Variants in ALS2 observed in about 807,000 individuals in gnomAD.
ALS2 encodes alsin Rho guanine nucleotide exchange factor ALS2.
ALS2 carries 117 observed loss-of-function variants against 203.4 expected under a neutral mutation model. The ratio of observed to expected loss-of-function variants is 0.58; its 90% CI spans 0.50 to 0.67. The LOEUF (loss-of-function observed/expected upper bound fraction) is 0.67. ALS2 is among the 30% of genes least tolerant of loss of function. ALS2 has a pLI of 0.00. For missense variants in ALS2, 1,715 were observed against 1,989.4 expected (o/e 0.86, Z 2.62); for synonymous variants, 718 against 725.9 (o/e 0.99, Z 0.17).
At chr2:201,706,391 A>G (rs1347361219) in intron 29 of ALS2, among the ~76,000 whole-genome samples, 1 of 75,528 alleles carries the variant, frequency 1.3e-5, no homozygotes, top group Non-Finnish European at 3.5e-5. Flanking sequence ...CTTTCAAAAA[A>G]AGAAAAAAAA....
chr2:201,762,013 T>C (rs1170497114), intron 3 of ALS2, among the ~76,000 whole-genome samples, 195 bp from the exon 4 acceptor site: 2 of 152,220 alleles, frequency 1.3e-5, no homozygotes, highest in Non-Finnish European at 2.9e-5. Context: ...ATGACTCTTT[T>C]TAATATTCTG....
intron 23 of ALS2, among the ~76,000 whole-genome samples, chr2:201,720,757 T>C (rs1177389992): frequency 6.6e-6 from 1 of 151,654 alleles, no homozygotes; most frequent in African/African-American, 2.4e-5. Context: ...ACACAAAGCT[T>C]TTCTCTAAAA....
chr2:201,718,318 GAT>G, intron 23 of ALS2, 108 bp from the exon 24 acceptor site: 3 of 1,267,752 alleles, frequency 2.4e-6, no homozygotes, highest in Non-Finnish European at 3.4e-6. Flanking sequence ...GGAGTGCAGT[GAT>G]GCGATCTTGG....
intron 13 of ALS2, among the ~76,000 whole-genome samples, chr2:201,731,773 TA>T (rs1691570367): frequency 6.6e-6 from 1 of 152,164 alleles, no homozygotes; most frequent in African/African-American, 2.4e-5. Flanking sequence ...GGGCCATTGA[TA>T]TAACATGAGA....
chr2:201,728,113 T>A (rs1281269821), intron 15 of ALS2, among the ~76,000 whole-genome samples: 1 of 152,248 alleles, frequency 6.6e-6, no homozygotes, highest in African/African-American at 2.4e-5. Context: ...ATTATTATTA[T>A]ACTTTAAGTT....
intron 8 of ALS2, among the ~76,000 whole-genome samples, chr2:201,747,815 C>T (rs902982389): frequency 6.6e-6 from 1 of 152,164 alleles, no homozygotes; most frequent in African/African-American, 2.4e-5. Flanking sequence ...AGAACCACTG[C>T]CTTTAAACCA....
intron 7 of ALS2, among the ~76,000 whole-genome samples, chr2:201,750,307 C>T (rs1189747514): frequency 6.6e-6 from 1 of 152,130 alleles, no homozygotes; most frequent in Non-Finnish European, 1.5e-5. Context: ...ATTGATGATT[C>T]ATTCTCACAA....
At chr2:201,759,359 A>C in intron 4 of ALS2, 1 of 946,316 alleles carries the variant, frequency 1.1e-6, no homozygotes, top group Non-Finnish European at 1.3e-6. Context: ...GAAGAGAAAA[A>C]ACTTGCCCTA....
chr2:201,767,887 G>T (rs921296919), intron 2 of ALS2, among the ~76,000 whole-genome samples: 4 of 116,926 alleles, frequency 3.4e-5, no homozygotes, highest in African/African-American at 6.2e-5. Context: ...AAAAAAAAAA[G>T]ACTGAAGGAC....
At chr2:201,759,905 C>T (rs1417631405) in intron 4 of ALS2, 2 of 985,130 alleles carry the variant, frequency 2.0e-6, no homozygotes, top group Admixed American at 6.1e-5. Context: ...AAGAGTAAAA[C>T]ACAGAAATAA....
At chr2:201,737,569 A>C (rs1691959196) in intron 12 of ALS2, among the ~76,000 whole-genome samples, 1 of 152,218 alleles carries the variant, frequency 6.6e-6, no homozygotes, top group South Asian at 2.1e-4. Flanking sequence ...AAGTATTCTC[A>C]TTAAAACTAG....
chr2:201,733,428 T>G lies in ALS2; in HGVS notation c.2428A>C (p.Asn810His). The change falls in exon 13 of 34, where the codon AAT becomes CAT. Residue 810 changes from asparagine to histidine, a missense_variant. Coordinates refer to ENST00000264276, the MANE Select transcript of ALS2 (RefSeq NM_020919.4). ...TCTTGCAACAGCTCTTGGTTTTTAT[T>G]TAGGAAATCACTAGAGGCAGAGGAA... ...LLAKPAIDFL[N>H]KNQELLQDLS... is the part of the protein sequence containing the mutation. 6.2e-7 allele frequency: 1 copy of G among 1,613,640 alleles called. No individual in the cohort carries two copies. The highest frequency in any genetic ancestry group is 1.3e-5 in the African/African-American group (1 of 75,048).
intron 1 of ALS2, among the ~76,000 whole-genome samples, chr2:201,775,223 T>C (rs1295193510): frequency 6.6e-6 from 1 of 152,198 alleles, no homozygotes; most frequent in Non-Finnish European, 1.5e-5. Flanking sequence ...AAAATTACCA[T>C]AGATTTCATG....
chr2:201,702,111 C>T (rs1468613555), intron 33 of ALS2, among the ~76,000 whole-genome samples: 1 of 149,606 alleles, frequency 6.7e-6, no homozygotes, highest in Non-Finnish European at 1.5e-5. Context: ...TTTTTCATTT[C>T]CCGTCTTATT....
intron 25 of ALS2, among the ~76,000 whole-genome samples, chr2:201,711,868 AAC>A (rs1690050406): frequency 6.8e-6 from 1 of 147,430 alleles, no homozygotes; most frequent in South Asian, 2.2e-4. Context: ...ACACCTAACT[AAC>A]AACAGTTAAC....
Position 201,738,691 on chromosome 2 carries a change from T to C in ALS2, c.2396A>G (p.Gln799Arg). ...TTACATGGCAGGCTTAGCAAGAAGC[T>C]GGAATCCTCCCATAACCAGGAAATT... ...ITNFLVMGGF[Q>R]LLAKPAIDFL... The change falls in exon 12 of 34, where the codon CAG becomes CGG. Residue 799 changes from glutamine to arginine, a missense_variant. This residue lies in a region of ALS2 where 1,227 missense variants were observed against 1,413.5 expected (regional missense o/e 0.87). Transcript: ENST00000264276. The C allele has an allele frequency of 6.2e-7, 1 of 1,614,130 alleles. No homozygotes were observed. Among genetic ancestry groups the C allele is most frequent in the Non-Finnish European group, 8.5e-7 (1 of 1,179,984 alleles).
chr2:201,738,993 C>G (rs1363036560), intron 11 of ALS2, among the ~76,000 whole-genome samples: 1 of 151,898 alleles, frequency 6.6e-6, no homozygotes, highest in Non-Finnish European at 1.5e-5. Context: ...AATCCCAGCA[C>G]TTTGGGAGGC....
intron 7 of ALS2, 116 bp downstream of exon 7, chr2:201,753,030 T>G: frequency 9.8e-5 from 85 of 867,460 alleles, no homozygotes; most frequent in Non-Finnish European, 1.5e-4. Context: ...AAAGCTAAAA[T>G]GAGATACGGT....
chr2:201,780,286 T>C (rs1403353498), intron 1 of ALS2, among the ~76,000 whole-genome samples: 1 of 152,240 alleles, frequency 6.6e-6, no homozygotes, highest in Non-Finnish European at 1.5e-5. Context: ...AAATAACTTA[T>C]CTTCTCCTCT....
Sources: gnomAD v4.1 joint callset for allele counts (sites outside exome capture counted in the v4.1 genomes callset) on GRCh38, gnomAD v4.1.1 for gene constraint, gnomAD v4.1.1 regional missense constraint, MANE v1.5 for transcripts, NCBI Gene and HGNC (gene_info 2026-07-23, HGNC 2026-07-21) for gene names.